The following MEGF11 variants were observed in gnomAD, a reference collection of about 807,000 sequenced individuals.
MEGF11 encodes the protein multiple EGF like domains 11.
Under a neutral mutation model 146.6 loss-of-function variants are expected in MEGF11, and 126 were observed. The observed-to-expected ratio is 0.86, with a 90% CI of 0.74 to 1.00. MEGF11 has a LOEUF of 1.00. Among genes scored for constraint, MEGF11 ranks in the 50% least tolerant of loss-of-function variants. The probability of loss-of-function intolerance (pLI) is 0.00; values close to 1 mark genes in which losing one functional copy is unlikely to be tolerated. For missense variants in MEGF11, 1,509 were observed against 1,521.2 expected (o/e 0.99, Z 0.13); for synonymous variants, 532 against 583.4 (o/e 0.91, Z 1.27).
chr15:66,110,202 A>G (rs369968489), intron 4 of MEGF11, among the ~76,000 whole-genome samples: 1 of 152,064 alleles, frequency 6.6e-6, no homozygotes, highest in African/African-American at 2.4e-5. Context: ...CCATGAATTC[A>G]CTCTTTCAAC....
intron 1 of MEGF11, among the ~76,000 whole-genome samples, chr15:66,130,592 AAAAG>A (rs1040026520): frequency 6.6e-5 from 10 of 151,952 alleles, no homozygotes; most frequent in Admixed American, 2.0e-4. Flanking sequence ...AATCCTCATG[AAAAG>A]AAAGAGAGAG....
Position 65,979,285 on chromosome 15 carries a change from C to T in MEGF11, c.762+1493G>A, listed in dbSNP as rs538022328. ...TCTGTATTTTAACCCCCCACCACCCCCTTGTCAGCTCTGGGGTGCAGTCAG... is the reference window on the plus strand; with the variant it reads ...TCTGTATTTTAACCCCCCACCACCCTCTTGTCAGCTCTGGGGTGCAGTCAG... On this transcript the variant is annotated intron_variant, in intron 7 of 25. Transcript: ENST00000395614. Among the ~76,000 whole-genome samples the T allele has an allele frequency of 3.3e-5, 5 of 152,250 alleles. No homozygotes were observed. The South Asian group carries it at 6.2e-4, about 19-fold the overall frequency.
At chr15:65,995,786 G>A (rs887706668) in intron 5 of MEGF11, among the ~76,000 whole-genome samples, 7 of 152,212 alleles carry the variant, frequency 4.6e-5, no homozygotes, top group Non-Finnish European at 8.8e-5. Flanking sequence ...CTTACTGGCA[G>A]AGCAGGGTGC....
chr15:66,182,325 G>A (rs1345256234), intron 1 of MEGF11, among the ~76,000 whole-genome samples: 4 of 152,146 alleles, frequency 2.6e-5, no homozygotes, highest in African/African-American at 9.7e-5. Flanking sequence ...ATAGAACCAC[G>A]GTGTGTGGGT....
At chr15:66,133,658 AGAG>A (rs2088759874) in intron 1 of MEGF11, among the ~76,000 whole-genome samples, 1 of 152,126 alleles carries the variant, frequency 6.6e-6, no homozygotes, top group South Asian at 2.1e-4. Context: ...CGAGATGAAA[AGAG>A]GAGTTGGATC....
chr15:66,028,431 T>C (rs2083410716), intron 5 of MEGF11, among the ~76,000 whole-genome samples: 1 of 152,196 alleles, frequency 6.6e-6, no homozygotes. Flanking sequence ...CACACATTAC[T>C]GATAATGTTG....
chr15:66,049,694 C>G (rs927497004), intron 5 of MEGF11, among the ~76,000 whole-genome samples: 1 of 152,126 alleles, frequency 6.6e-6, no homozygotes, highest in African/African-American at 2.4e-5. Context: ...TTGTTGCATC[C>G]TTACACCCTC....
intron 1 of MEGF11, among the ~76,000 whole-genome samples, chr15:66,218,976 A>T (rs1448746729): frequency 1.4e-5 from 2 of 147,852 alleles, no homozygotes; most frequent in East Asian, 3.9e-4. Flanking sequence ...GGATATCCAC[A>T]GGCAAAAAAA....
chr15:66,104,244 A>T (rs1318685637), intron 4 of MEGF11, among the ~76,000 whole-genome samples: 1 of 152,170 alleles, frequency 6.6e-6, no homozygotes, highest in African/African-American at 2.4e-5. Context: ...CAGCTTTCAC[A>T]GTCTGGTCAC....
chr15:65,949,315 C>T (rs765712587), intron 10 of MEGF11, among the ~76,000 whole-genome samples: 45 of 152,138 alleles, frequency 3.0e-4, no homozygotes, highest in Non-Finnish European at 5.9e-4. Flanking sequence ...ATAACTCTTG[C>T]GCCCCGCTCC....
intron 4 of MEGF11, among the ~76,000 whole-genome samples, chr15:66,102,034 T>C (rs1425310836): frequency 6.6e-6 from 1 of 151,970 alleles, no homozygotes; most frequent in Non-Finnish European, 1.5e-5. Flanking sequence ...TCAATTAAAA[T>C]TGTCAACTTG....
chr15:65,954,178 TTTAA>T (rs771466832), intron 10 of MEGF11, among the ~76,000 whole-genome samples: 1 of 152,186 alleles, frequency 6.6e-6, no homozygotes, highest in Non-Finnish European at 1.5e-5. Context: ...AAAGGGCTCC[TTTAA>T]TTAGTCCTTA....
chr15:65,956,221 C>T (rs2080631501), intron 10 of MEGF11, among the ~76,000 whole-genome samples: 1 of 152,200 alleles, frequency 6.6e-6, no homozygotes, highest in African/African-American at 2.4e-5. Flanking sequence ...GGCTACATAT[C>T]AGCGTCCTAC....
At chr15:66,214,531 CAGA>C (rs373819579) in intron 1 of MEGF11, among the ~76,000 whole-genome samples, 13 of 152,256 alleles carry the variant, frequency 8.5e-5, no homozygotes, top group East Asian at 1.9e-4. Context: ...AATGACACAG[CAGA>C]AGAAGAAGGG....
chr15:66,176,098 A>G (rs2090382376), intron 1 of MEGF11, among the ~76,000 whole-genome samples: 1 of 152,246 alleles, frequency 6.6e-6, no homozygotes, highest in Admixed American at 6.5e-5. Flanking sequence ...GGATTTGCAA[A>G]TCAAAACCAC....
chr15:66,078,316 C>T (rs2085680377), intron 5 of MEGF11, among the ~76,000 whole-genome samples: 1 of 152,276 alleles, frequency 6.6e-6, no homozygotes, highest in Non-Finnish European at 1.5e-5. Flanking sequence ...CAAGTGCCAC[C>T]TCCTCCACAG....
intron 1 of MEGF11, among the ~76,000 whole-genome samples, chr15:66,252,950 C>T (rs1404535220): frequency 6.6e-6 from 1 of 152,194 alleles, no homozygotes; most frequent in Non-Finnish European, 1.5e-5. Context: ...TGGGAGCCAA[C>T]CAACAAGGCC....
chr15:66,192,841 C>A (rs2090917287), intron 1 of MEGF11, among the ~76,000 whole-genome samples: 1 of 152,226 alleles, frequency 6.6e-6, no homozygotes, highest in African/African-American at 2.4e-5. Flanking sequence ...TGCACTATAT[C>A]ATTTTGCCTC....
intron 2 of MEGF11, among the ~76,000 whole-genome samples, chr15:66,126,550 G>C (rs2088357973): frequency 6.6e-6 from 1 of 152,250 alleles, no homozygotes; most frequent in Admixed American, 6.5e-5. Context: ...CAGACAGAGA[G>C]AGAAGTCAGA....
Sources: gnomAD v4.1 joint callset for allele counts (sites outside exome capture counted in the v4.1 genomes callset) on GRCh38, gnomAD v4.1.1 for gene constraint, MANE v1.5 for transcripts, NCBI Gene and HGNC (gene_info 2026-07-23, HGNC 2026-07-21) for gene names.